Variants in SGCZ observed in about 807,000 individuals in gnomAD.
SGCZ encodes the protein sarcoglycan zeta, also known as zeta-sarcoglycan.
Under a neutral mutation model 41.3 loss-of-function variants are expected in SGCZ, and 40 were observed. That is an observed-to-expected ratio of 0.97 (90% confidence interval 0.75 to 1.26). SGCZ has a LOEUF of 1.26. Ranked by LOEUF, SGCZ falls within the 50% of genes most tolerant of loss-of-function variation. The pLI is 0.00. For synonymous variants in SGCZ, 206 were observed against 137.5 expected (o/e 1.50, Z -3.49); for missense variants, 552 against 369.8 (o/e 1.49, Z -4.04).
intron 7 of SGCZ, among the ~76,000 whole-genome samples, chr8:14,092,302 C>T (rs1801710852): frequency 6.6e-6 from 1 of 151,906 alleles, no homozygotes; most frequent in Non-Finnish European, 1.5e-5. Context: ...GTTATGTGGG[C>T]TCTTTTTTGG....
intron 2 of SGCZ, among the ~76,000 whole-genome samples, chr8:14,485,833 A>ATTTTTTTTTTTTTTTTTTTTTTTTTTT: frequency 9.7e-6 from 1 of 103,368 alleles, no homozygotes; most frequent in Non-Finnish European, 1.9e-5. Flanking sequence ...CTCTAGAACA[A>ATTTTTTTTTTTTTTTTTTTTTTTTTTT]TTTTTTTTTT....
chr8:14,296,997 C>G lies in SGCZ; in HGVS notation c.336+27106G>C, dbSNP rs538630411. Among the ~76,000 whole-genome samples, 13 of 152,258 alleles carry G rather than the reference C, an allele frequency of 8.5e-5. No individual in the cohort carries two copies. In the East Asian group the frequency reaches 2.3e-3, roughly 27 times the overall value. On this transcript the variant is annotated intron_variant, in intron 3 of 7. Coordinates refer to ENST00000382080, the MANE Select transcript of SGCZ (RefSeq NM_139167.4). ...AATGCAATGGCATGATCTCAGCTCA[C>G]TGCAACCTCCTCCTCCCAGGTTCAA...
intron 2 of SGCZ, chr8:14,332,430 G>C (rs953706757): frequency 1.3e-5 from 2 of 151,986 alleles, no homozygotes; most frequent in Admixed American, 6.6e-5. Context: ...GACAGAGAGA[G>C]ACTCTGTCTC....
At chr8:14,272,434 C>T (rs1020314143) in intron 3 of SGCZ, among the ~76,000 whole-genome samples, 1 of 152,190 alleles carries the variant, frequency 6.6e-6, no homozygotes, top group Non-Finnish European at 1.5e-5. Context: ...AAAAGTGTGG[C>T]TGGCTCTTCA....
At chr8:14,976,932 T>G (rs1041081669) in intron 1 of SGCZ, among the ~76,000 whole-genome samples, 10 of 152,242 alleles carry the variant, frequency 6.6e-5, no homozygotes, top group Admixed American at 3.9e-4. Flanking sequence ...CGTACATTGT[T>G]GAATTTAAAT....
intron 1 of SGCZ, among the ~76,000 whole-genome samples, chr8:15,116,446 A>C (rs1807270721): frequency 1.3e-5 from 2 of 152,200 alleles, no homozygotes; most frequent in African/African-American, 4.8e-5. Context: ...CCCAATGAGA[A>C]GTGAGTGAAA....
chr8:15,148,063 C>A lies in SGCZ; in HGVS notation c.39+89522G>T, dbSNP rs538791467. Among the ~76,000 whole-genome samples, 14 of 98,844 alleles carry A rather than the reference C, an allele frequency of 1.4e-4. No homozygotes were observed. In the South Asian group the frequency reaches 3.7e-3, roughly 26 times the overall value. The allele number at this position is 98,844 out of a possible 152,430, so 64.8% of individuals were successfully genotyped here. ...CATTCTCAGAAGGGCTCTCAAGGAC[C>A]AACCAAGTCTCCTACACCAAAAGCA... On this transcript the variant is annotated intron_variant, in intron 1 of 7. Coordinates refer to ENST00000382080, the MANE Select transcript of SGCZ (RefSeq NM_139167.4).
At chr8:14,416,984 G>C (rs1359978749) in intron 2 of SGCZ, among the ~76,000 whole-genome samples, 1 of 151,824 alleles carries the variant, frequency 6.6e-6, no homozygotes, top group Admixed American at 6.6e-5. Flanking sequence ...TATGTGAGAA[G>C]TATGGGAGTT....
At chr8:14,260,733 G>T (rs1039769216) in intron 3 of SGCZ, among the ~76,000 whole-genome samples, 9 of 152,170 alleles carry the variant, frequency 5.9e-5, no homozygotes, top group Non-Finnish European at 1.3e-4. Context: ...TTAAGAAAAT[G>T]TGGCACATAT....
chr8:14,746,406 C>G (rs1799342266), intron 1 of SGCZ, among the ~76,000 whole-genome samples: 1 of 152,094 alleles, frequency 6.6e-6, no homozygotes, highest in Admixed American at 6.6e-5. Context: ...TCCACTATTG[C>G]ATTTAGTAGT....
chr8:14,426,268 T>C (rs1009949565), intron 2 of SGCZ, among the ~76,000 whole-genome samples: 3 of 152,080 alleles, frequency 2.0e-5, no homozygotes, highest in Non-Finnish European at 4.4e-5. Flanking sequence ...ATAAGTGTTA[T>C]AAAGTGAAAT....
chr8:14,770,035 T>C (rs1029744805), intron 1 of SGCZ, among the ~76,000 whole-genome samples: 1 of 151,524 alleles, frequency 6.6e-6, no homozygotes, highest in Non-Finnish European at 1.5e-5. Flanking sequence ...AACTTTGCAT[T>C]GTGCACCAAT....
rs373885006 is a variant in SGCZ, at chr8:14,764,652, G to A, written c.40-209726C>T. On this transcript the variant is annotated intron_variant, in intron 1 of 7. Coordinates refer to ENST00000382080, the MANE Select transcript of SGCZ (RefSeq NM_139167.4). The stretch of plus-strand genomic sequence containing the variant: ...GACAATTGTGGTCAGGGTTGGAGGG[G>A]TCATCGCTCTAGATTAAAGGAGATT... 2.6e-5 allele frequency among the ~76,000 whole-genome samples: 4 copies of A among 152,242 alleles called. No individual in the cohort carries two copies. In the East Asian group the frequency reaches 7.7e-4, roughly 29 times the overall value.
intron 2 of SGCZ, among the ~76,000 whole-genome samples, chr8:14,381,514 C>T (rs2117191647): frequency 6.6e-6 from 1 of 152,178 alleles, no homozygotes; most frequent in Admixed American, 6.5e-5. Context: ...GTGACTCATG[C>T]CTATAATCCC....
chr8:14,292,515 G>C (rs767628445), intron 3 of SGCZ, among the ~76,000 whole-genome samples: 2 of 152,032 alleles, frequency 1.3e-5, no homozygotes, highest in Admixed American at 6.6e-5. Flanking sequence ...TGAAGATGAG[G>C]CACAAGATAG....
intron 2 of SGCZ, among the ~76,000 whole-genome samples, chr8:14,339,858 G>C (rs1030942852): frequency 3.9e-5 from 6 of 152,010 alleles, no homozygotes; most frequent in East Asian, 1.9e-4. Flanking sequence ...ACATGGGAAT[G>C]AAATAATTAC....
intron 1 of SGCZ, among the ~76,000 whole-genome samples, chr8:14,790,261 A>T (rs1800905202): frequency 6.6e-6 from 1 of 152,196 alleles, no homozygotes; most frequent in South Asian, 2.1e-4. Flanking sequence ...TTCCACTAAA[A>T]AGCATTGAAC....
At chr8:14,966,488 T>C (rs1300304046) in intron 1 of SGCZ, among the ~76,000 whole-genome samples, 1 of 152,020 alleles carries the variant, frequency 6.6e-6, no homozygotes, top group Non-Finnish European at 1.5e-5. Context: ...ATTTTGTGTA[T>C]TCAAATTTTT....
At chr8:14,646,809 T>G (rs1255564917) in intron 1 of SGCZ, among the ~76,000 whole-genome samples, 1 of 151,592 alleles carries the variant, frequency 6.6e-6, no homozygotes, top group African/African-American at 2.4e-5. Flanking sequence ...CACTTTTTTT[T>G]GGCACCAATA....
Sources: gnomAD v4.1 joint callset for allele counts (sites outside exome capture counted in the v4.1 genomes callset) on GRCh38, gnomAD v4.1.1 for gene constraint, MANE v1.5 for transcripts, NCBI Gene and HGNC (gene_info 2026-07-23, HGNC 2026-07-21) for gene names.